The following ASIC2 variants were observed in gnomAD, a reference collection of about 807,000 sequenced individuals.
ASIC2 encodes acid sensing ion channel subunit 2, also known as acid-sensing ion channel 2.
Under a neutral mutation model 57.3 loss-of-function variants are expected in ASIC2, and 25 were observed. The ratio of observed to expected loss-of-function variants is 0.44; its 90% CI spans 0.32 to 0.61. The LOEUF is 0.61. Among genes scored for constraint, ASIC2 ranks in the 20% least tolerant of loss-of-function variants. The pLI, the probability that ASIC2 is intolerant of heterozygous loss-of-function variation, is 0.06. For synonymous variants in ASIC2, 319 were observed against 307.5 expected (o/e 1.04, Z -0.39); for missense variants, 641 against 738.1 (o/e 0.87, Z 1.52).
rs1911632612 is a variant in ASIC2, at chr17:34,121,926, TC to T, written c.555+34051del. On this transcript the variant is annotated intron_variant, in intron 1 of 9. Coordinates refer to the ASIC2 transcript ENST00000359872. ...CTTCAGGAGTCTTCTCTGAACCTTC[TC>T]CCTCCTATGATGCCCTTCTCTGCAC... Among the ~76,000 whole-genome samples, 8 of 152,324 alleles carry T rather than the reference TC, an allele frequency of 5.3e-5. No individual in the cohort carries two copies. In the South Asian group the frequency reaches 1.7e-3, roughly 32 times the overall value.
At chr17:33,130,016 G>A (rs1327071503) in intron 1 of ASIC2, among the ~76,000 whole-genome samples, 3 of 152,138 alleles carry the variant, frequency 2.0e-5, no homozygotes, top group African/African-American at 7.2e-5. Flanking sequence ...GTTTCTGTAT[G>A]TAAGGCAGTT....
intron 1 of ASIC2, among the ~76,000 whole-genome samples, chr17:33,155,711 T>C (rs1333026138): frequency 2.6e-5 from 4 of 151,438 alleles, no homozygotes; most frequent in Middle Eastern, 3.4e-3. Context: ...AGGCGCCTGC[T>C]ACCACACCCA....
chr17:33,447,769 C>T (rs372560696), intron 1 of ASIC2, among the ~76,000 whole-genome samples: 1 of 151,914 alleles, frequency 6.6e-6, no homozygotes, highest in African/African-American at 2.4e-5. Flanking sequence ...CAAGGATAAA[C>T]TAGAATCAGA....
chr17:33,719,245 G>A (rs574057170), intron 1 of ASIC2, among the ~76,000 whole-genome samples: 4 of 152,324 alleles, frequency 2.6e-5, no homozygotes, highest in Middle Eastern at 6.8e-3. Context: ...CAAGGGACTT[G>A]CGCATGGAGG....
chr17:33,689,844 G>A (rs1368238964), intron 1 of ASIC2, among the ~76,000 whole-genome samples: 1 of 152,190 alleles, frequency 6.6e-6, no homozygotes, highest in Admixed American at 6.5e-5. Flanking sequence ...TTGGAGTGAG[G>A]TGGCCACAAG....
intron 1 of ASIC2, among the ~76,000 whole-genome samples, chr17:33,419,218 C>T (rs915785467): frequency 2.0e-5 from 3 of 152,208 alleles, no homozygotes; most frequent in African/African-American, 4.8e-5. Flanking sequence ...CCAGAGGGAG[C>T]GGCTAAGGTG....
chr17:33,428,066 C>G (rs182206474), intron 1 of ASIC2, among the ~76,000 whole-genome samples: 13 of 152,298 alleles, frequency 8.5e-5, no homozygotes, highest in Non-Finnish European at 1.3e-4. Flanking sequence ...ATCTTCCAGC[C>G]TCCAGCTGAC....
chr17:33,320,117 C>T (rs1906811959), intron 1 of ASIC2, among the ~76,000 whole-genome samples: 1 of 152,166 alleles, frequency 6.6e-6, no homozygotes, highest in African/African-American at 2.4e-5. Context: ...GCCTCAGCAG[C>T]ATCTGACACC....
chr17:34,127,012 G>A (rs1167228591), intron 1 of ASIC2, among the ~76,000 whole-genome samples: 1 of 152,160 alleles, frequency 6.6e-6, no homozygotes, highest in Non-Finnish European at 1.5e-5. Context: ...GAGTGTCTAA[G>A]AAATTAAGGT....
chr17:34,109,592 T>C (rs1318891547), intron 1 of ASIC2, among the ~76,000 whole-genome samples: 1 of 152,210 alleles, frequency 6.6e-6, no homozygotes, highest in South Asian at 2.1e-4. Context: ...TTGATCGATA[T>C]CCTTTCCAAC....
intron 1 of ASIC2, among the ~76,000 whole-genome samples, chr17:33,148,968 C>T (rs766629373): frequency 5.9e-5 from 9 of 151,950 alleles, no homozygotes; most frequent in East Asian, 3.9e-4. Flanking sequence ...ATGGCAGGCA[C>T]GTGTAGTCCC....
chr17:33,888,931 G>C (rs1248633312), intron 1 of ASIC2, among the ~76,000 whole-genome samples: 2 of 152,004 alleles, frequency 1.3e-5, no homozygotes, highest in Non-Finnish European at 2.9e-5. Context: ...GGAAGCAGAG[G>C]GACCCAAAAG....
At chr17:33,135,405 C>T (rs1377717787) in intron 1 of ASIC2, among the ~76,000 whole-genome samples, 1 of 152,148 alleles carries the variant, frequency 6.6e-6, no homozygotes, top group East Asian at 1.9e-4. Flanking sequence ...GGGTCTTGTT[C>T]CCGGATTAAT....
intron 1 of ASIC2, among the ~76,000 whole-genome samples, chr17:33,909,651 C>T (rs1915420302): frequency 2.0e-5 from 3 of 152,214 alleles, no homozygotes; most frequent in African/African-American, 7.2e-5. Flanking sequence ...TGGGAGAGCC[C>T]CATTAACCAC....
intron 1 of ASIC2, among the ~76,000 whole-genome samples, chr17:33,263,903 T>C (rs1332809404): frequency 6.6e-6 from 1 of 152,136 alleles, no homozygotes; most frequent in East Asian, 1.9e-4. Flanking sequence ...TAAGTATCAA[T>C]AGGTCCCCAA....
chr17:33,863,967 G>T (rs1466073974), intron 1 of ASIC2, among the ~76,000 whole-genome samples: 1 of 150,902 alleles, frequency 6.6e-6, no homozygotes, highest in Non-Finnish European at 1.5e-5. Context: ...GCAATGGTGT[G>T]GTCTTGGCTC....
intron 1 of ASIC2, among the ~76,000 whole-genome samples, chr17:33,652,260 CAGG>C (rs1165551730): frequency 1.3e-5 from 2 of 152,194 alleles, no homozygotes; most frequent in African/African-American, 4.8e-5. Flanking sequence ...ACAGGAGAGA[CAGG>C]AGGTCTAATT....
intron 1 of ASIC2, among the ~76,000 whole-genome samples, chr17:33,147,569 T>C (rs1045336017): frequency 1.3e-5 from 2 of 152,150 alleles, no homozygotes; most frequent in Admixed American, 1.3e-4. Flanking sequence ...TTACATTTAA[T>C]TGGACACAGC....
intron 1 of ASIC2, among the ~76,000 whole-genome samples, chr17:33,829,568 G>A (rs1457351998): frequency 1.3e-5 from 2 of 150,260 alleles, no homozygotes; most frequent in Non-Finnish European, 3.0e-5. Flanking sequence ...AGGACATTAT[G>A]TTAAACTTTT....
Sources: gnomAD v4.1 joint callset for allele counts (sites outside exome capture counted in the v4.1 genomes callset) on GRCh38, gnomAD v4.1.1 for gene constraint, MANE v1.5 for transcripts, NCBI Gene and HGNC (gene_info 2026-07-23, HGNC 2026-07-21) for gene names.